PTPN9: variants seen among roughly 807,000 people sequenced by gnomAD.
PTPN9 encodes tyrosine-protein phosphatase non-receptor type 9.
PTPN9 carries 26 observed loss-of-function variants against 69.8 expected under a neutral mutation model. The ratio of observed to expected loss-of-function variants is 0.37; its 90% CI spans 0.27 to 0.52. The LOEUF (loss-of-function observed/expected upper bound fraction) is 0.52, where lower values mean the gene tolerates loss of function less well. Ranked by LOEUF, PTPN9 falls within the 20% of genes least tolerant of loss-of-function variation. PTPN9 has a pLI of 0.91. For missense variants in PTPN9, 549 were observed against 740.3 expected (o/e 0.74, Z 3.00); for synonymous variants, 274 against 272.5 (o/e 1.01, Z -0.05).
chr15:75,539,315 ATTT>A (rs11324064), intron 1 of PTPN9, among the ~76,000 whole-genome samples: 30 of 144,360 alleles, frequency 2.1e-4, no homozygotes, highest in Admixed American at 2.1e-4. Context: ...TATTTAGAAG[ATTT>A]TTTTTTTTTT....
In PTPN9 at chr15:75,468,645, G is replaced by T; in HGVS notation, c.*124C>A. ...AAGGCTGCCTTGCGTGCACACGTGT[G>T]CTGGGAGACACAAGAAAGAAGTTGA... On this transcript the variant is annotated 3_prime_UTR_variant, in exon 13 of 13. Transcript: ENST00000618819. 2.4e-6 allele frequency: 2 copies of T among 846,486 alleles called. No homozygotes were observed. The highest frequency in any genetic ancestry group is 3.8e-6 in the Non-Finnish European group (2 of 522,912). The allele number at this position is 846,486 out of a possible 1,614,324, so 52.4% of individuals were successfully genotyped here.
chr15:75,492,971 T>C (rs531497925), intron 7 of PTPN9, among the ~76,000 whole-genome samples: 3 of 152,092 alleles, frequency 2.0e-5, no homozygotes, highest in South Asian at 4.2e-4. Flanking sequence ...CTGGGCAACA[T>C]AGCAAGACCT....
At position 75,575,010 on chromosome 15, in the gene PTPN9, G is replaced by GTTTTTTTTTTTT. The variant is rs1567533120; in HGVS notation, c.63+3703_63+3704insAAAAAAAAAAAA. ...TTTTTTTTTTTTTTTTTGAGACAGA[G>GTTTTTTTTTTTT]GAGACGGAGTCTCGCTCTGTCGGCG... On this transcript the variant is annotated intron_variant, in intron 1 of 12. Transcript: ENST00000618819. 1.9e-3 allele frequency among the ~76,000 whole-genome samples: 30 copies of GTTTTTTTTTTTT among 15,768 alleles called. 6 individuals are homozygous for GTTTTTTTTTTTT. Among genetic ancestry groups the GTTTTTTTTTTTT allele is most frequent in the Middle Eastern group, 0.1 (1 of 10 alleles). 10.3% of individuals were successfully genotyped at this position (15,768 alleles called of 152,430 possible).
At chr15:75,504,447 C>G (rs1344411905) in intron 7 of PTPN9, among the ~76,000 whole-genome samples, 3 of 136,204 alleles carry the variant, frequency 2.2e-5, no homozygotes, top group South Asian at 2.3e-4. Flanking sequence ...ATCAGCCCCC[C>G]GCCCGGCCAG....
chr15:75,526,016 T>A (rs1034100191), intron 2 of PTPN9, among the ~76,000 whole-genome samples: 8 of 151,326 alleles, frequency 5.3e-5, no homozygotes, highest in Admixed American at 4.6e-4. Context: ...TTTTTTTTTT[T>A]AAACAGTCTC....
At chr15:75,566,627 T>C (rs937057147) in intron 1 of PTPN9, among the ~76,000 whole-genome samples, 2 of 151,076 alleles carry the variant, frequency 1.3e-5, no homozygotes, top group Non-Finnish European at 2.9e-5. Flanking sequence ...TGCAGTGAGC[T>C]GAGATCGCAC....
At chr15:75,480,704 C>G in intron 8 of PTPN9, 1 of 1,318,024 alleles carries the variant, frequency 7.6e-7, no homozygotes, top group South Asian at 1.5e-5. Context: ...CCACCGCCGC[C>G]CCACAGCCGG....
rs2141665284 is a variant in PTPN9, at chr15:75,463,518, T to C, written c.*5251A>G. 1 of 152,198 alleles carries C rather than the reference T, an allele frequency of 6.6e-6. No homozygotes were observed. Among genetic ancestry groups the C allele is most frequent in the South Asian group, 2.1e-4 (1 of 4,828 alleles). 9.4% of individuals were successfully genotyped at this position (152,198 alleles called of 1,614,324 possible). A position where few individuals can be genotyped will look rare whatever the true frequency, so the allele number is the denominator to read the frequency against. The stretch of plus-strand genomic sequence containing the variant: ...ACCCCCAGCTAGGATTCTAGTGGAG[T>C]TAGCTATGTCCACCATGGCCTTAGC... On this transcript the variant is annotated 3_prime_UTR_variant, in exon 13 of 13. Coordinates refer to ENST00000618819, the MANE Select transcript of PTPN9 (RefSeq NM_002833.4).
At position 75,490,231 on chromosome 15, in the gene PTPN9, T is replaced by C. The variant is rs778014922; in HGVS notation, c.1039A>G (p.Thr347Ala). The change falls in exon 8 of 13, where the codon ACA (threonine) becomes GCA (alanine). Residue 347 changes from threonine (T) to alanine (A), a missense_variant. Physicochemically the swap from Thr to Ala is moderately conservative, Grantham distance 58. Coordinates refer to ENST00000618819, the MANE Select transcript of PTPN9 (RefSeq NM_002833.4). ...ACCTGAGTATGGCCACTTCGCTTTG[T>C]TAGCTTCACTCTAGTTTGGTCCAGG... ...PCLDQTRVKL[T>A]KRSGHTQTDY... 1 of 1,613,180 alleles carries C rather than the reference T, an allele frequency of 6.2e-7. No homozygotes were observed. The highest frequency in any genetic ancestry group is 8.5e-7 in the Non-Finnish European group (1 of 1,179,106).
intron 8 of PTPN9, among the ~76,000 whole-genome samples, chr15:75,488,665 G>A (rs933208605): frequency 6.6e-6 from 1 of 152,036 alleles, no homozygotes; most frequent in African/African-American, 2.4e-5. Flanking sequence ...GTAATGGCGT[G>A]TGCCTGTAGT....
intron 7 of PTPN9, among the ~76,000 whole-genome samples, chr15:75,493,048 A>G (rs1048999495): frequency 2.0e-5 from 3 of 152,078 alleles, no homozygotes; most frequent in Non-Finnish European, 4.4e-5. Flanking sequence ...CCGGCTATTC[A>G]GGAAGCTGAG....
At position 75,523,201 on chromosome 15, in the gene PTPN9, G is replaced by T. The variant is rs753614384; in HGVS notation, c.342C>A (p.Ala114=). The T allele has an allele frequency of 6.2e-7, 1 of 1,613,978 alleles. No homozygotes were observed. Among genetic ancestry groups the T allele is most frequent in the African/African-American group, 1.3e-5 (1 of 75,000 alleles). The stretch of plus-strand genomic sequence containing the variant: ...CTGACTTGTGGGGATGATGCAACCT[G>T]GCAGTAAAGAGGGCAATGGAGGCTC... The part of the protein sequence containing the change: ...PTGASIALFT[A]RLHHPHKSVQ... Residue 114 remains alanine (A), a synonymous_variant, in exon 4 of 13, where the codon GCC becomes GCA. Coordinates refer to ENST00000618819, the MANE Select transcript of PTPN9 (RefSeq NM_002833.4).
chr15:75,557,361 G>T (rs996129453), intron 1 of PTPN9, among the ~76,000 whole-genome samples: 4 of 151,708 alleles, frequency 2.6e-5, no homozygotes, highest in Non-Finnish European at 2.9e-5. Context: ...GGAGGCGGAG[G>T]TTGTAGAGGG....
chr15:75,523,848 C>G (rs1447257891), intron 3 of PTPN9, among the ~76,000 whole-genome samples: 1 of 152,042 alleles, frequency 6.6e-6, no homozygotes, highest in Non-Finnish European at 1.5e-5. Flanking sequence ...ATTAGTAATT[C>G]AATTGTTACT....
At chr15:75,551,602 A>G (rs1376224286) in intron 1 of PTPN9, among the ~76,000 whole-genome samples, 3 of 152,036 alleles carry the variant, frequency 2.0e-5, no homozygotes, top group Admixed American at 6.6e-5. Context: ...CTTTCCATTA[A>G]TTTACTCTGT....
intron 1 of PTPN9, among the ~76,000 whole-genome samples, chr15:75,562,500 T>C (rs1184936027): frequency 1.3e-5 from 2 of 152,132 alleles, no homozygotes; most frequent in East Asian, 3.9e-4. Context: ...TCAGCGCTTC[T>C]ACTGAAAGCC....
intron 7 of PTPN9, among the ~76,000 whole-genome samples, chr15:75,500,356 C>CACAT (rs966858897): frequency 4.6e-5 from 7 of 151,178 alleles, no homozygotes; most frequent in African/African-American, 1.7e-4. Context: ...CACACACACA[C>CACAT]ACACACACAC....
At chr15:75,472,903 G>C (rs1020574065) in intron 10 of PTPN9, among the ~76,000 whole-genome samples, 1 of 151,496 alleles carries the variant, frequency 6.6e-6, no homozygotes, top group East Asian at 1.9e-4. Context: ...AGCCAAGATC[G>C]TGCCACACTG....
Position 75,513,827 on chromosome 15 carries a change from G to A in PTPN9, c.528+3432C>T, listed in dbSNP as rs137872547. On this transcript the variant is annotated intron_variant, in intron 5 of 12. Transcript: ENST00000618819. ...GAAAGTGGCAAAAAGGGCTGGGCAC[G>A]GTGGCTCACGTCTTTAATCCTAGCA... Among the ~76,000 whole-genome samples the A allele has an allele frequency of 5.9e-5, 9 of 151,816 alleles. No individual in the cohort carries two copies. In the East Asian group the frequency reaches 9.7e-4, roughly 16 times the overall value.
Sources: gnomAD v4.1 joint callset for allele counts (sites outside exome capture counted in the v4.1 genomes callset) on GRCh38, gnomAD v4.1.1 for gene constraint, MANE v1.5 for transcripts, NCBI Gene and HGNC (gene_info 2026-07-23, HGNC 2026-07-21) for gene names.